CADPS: variants seen among roughly 807,000 people sequenced by gnomAD.
CADPS encodes calcium-dependent secretion activator 1.
In CADPS, 57 loss-of-function variants were observed where a neutral mutation model predicts 167.3. The ratio of observed to expected loss-of-function variants is 0.34; its 90% confidence interval spans 0.28 to 0.42. The LOEUF (loss-of-function observed/expected upper bound fraction) is 0.42, where lower values mean the gene tolerates loss of function less well. Among genes scored for constraint, CADPS ranks in the 20% least tolerant of loss-of-function variants. CADPS has a pLI of 1.00. For synonymous variants in CADPS, 676 were observed against 635.3 expected, an observed-to-expected ratio of 1.06 and a Z score of -0.96; for missense variants, 1,414 against 1,738.1, an observed-to-expected ratio of 0.81 and a Z score of 3.32.
chr3:62,470,187 C>T (rs1303878737), intron 24 of CADPS, among the ~76,000 whole-genome samples: 1 of 152,132 alleles, frequency 6.6e-6, no homozygotes, highest in East Asian at 1.9e-4. Flanking sequence ...CAGCAGCTGC[C>T]TTTACATGTG....
chr3:62,577,890 A>G (rs1289610076), intron 8 of CADPS, among the ~76,000 whole-genome samples: 1 of 152,234 alleles, frequency 6.6e-6, no homozygotes, highest in Non-Finnish European at 1.5e-5. Flanking sequence ...AAGTAGAATC[A>G]CAAAGATATT....
intron 8 of CADPS, among the ~76,000 whole-genome samples, chr3:62,576,258 C>T (rs542822165): frequency 4.6e-5 from 7 of 152,258 alleles, no homozygotes; most frequent in African/African-American, 1.4e-4. Context: ...ATATCTCAGA[C>T]TAAAGGAGAA....
At position 62,505,926 on chromosome 3, in the gene CADPS, T is replaced by C. The variant is rs571255974; in HGVS notation, c.2600-6658A>G. ...TCCAATGCAGTGCTTTCATGAAAAA[T>C]AAAATGCTCTGTGTTTTCAGTATAC... On this transcript the variant is annotated intron_variant, in intron 17 of 29. Coordinates refer to ENST00000383710, the MANE Select transcript of CADPS (RefSeq NM_003716.4). Among the ~76,000 whole-genome samples, 8 of 152,262 alleles carry C rather than the reference T, an allele frequency of 5.3e-5. 1 individual carries two copies. Among genetic ancestry groups the C allele is most frequent in the African/African-American group, 1.7e-4 (7 of 41,552 alleles).
intron 7 of CADPS, among the ~76,000 whole-genome samples, chr3:62,589,557 T>G (rs75523684): frequency 6.6e-6 from 1 of 152,176 alleles, no homozygotes; most frequent in East Asian, 1.9e-4. Context: ...ACATGATTCC[T>G]GAAGTAACTG....
intron 3 of CADPS, among the ~76,000 whole-genome samples, chr3:62,728,151 G>A (rs473942): frequency 0.23 from 34,447 of 151,310 alleles, 4,435 homozygotes; most frequent in African/African-American, 0.31. Context: ...AAGTAATTGC[G>A]GTTTTTGCAA....
At chr3:62,502,104 G>A (rs529067785) in intron 17 of CADPS, among the ~76,000 whole-genome samples, 20 of 152,324 alleles carry the variant, frequency 1.3e-4, no homozygotes, top group African/African-American at 4.1e-4. Context: ...TCCATCATCT[G>A]TAGATCAAGC....
At chr3:62,484,726 C>A (rs1296910501) in intron 21 of CADPS, among the ~76,000 whole-genome samples, 1 of 152,148 alleles carries the variant, frequency 6.6e-6, no homozygotes, top group Non-Finnish European at 1.5e-5. Flanking sequence ...GAGGTGAAGT[C>A]ATTCCTGCTT....
At chr3:62,739,543 C>T (rs1254090640) in intron 3 of CADPS, among the ~76,000 whole-genome samples, 2 of 152,144 alleles carry the variant, frequency 1.3e-5, no homozygotes, top group Admixed American at 6.6e-5. Context: ...TCTAATGATC[C>T]TTGTTAAATC....
chr3:62,437,485 T>A (rs1036467151), intron 28 of CADPS, among the ~76,000 whole-genome samples: 1 of 152,098 alleles, frequency 6.6e-6, no homozygotes, highest in African/African-American at 2.4e-5. Context: ...CAGCCCAATG[T>A]ACTCATTCTT....
intron 6 of CADPS, among the ~76,000 whole-genome samples, chr3:62,595,632 T>G (rs548313347): frequency 5.9e-5 from 9 of 152,186 alleles, no homozygotes; most frequent in Non-Finnish European, 1.2e-4. Context: ...GCTTATCTAT[T>G]TATATTTATT....
intron 1 of CADPS, among the ~76,000 whole-genome samples, chr3:62,795,889 A>T (rs1360906364): frequency 2.0e-5 from 3 of 152,028 alleles, no homozygotes; most frequent in African/African-American, 7.2e-5. Context: ...GAAGACTGGG[A>T]CCATATTCCA....
rs369874258 is a variant in CADPS, at chr3:62,649,543, C to CTTTTTTTTTTTTT, written c.1203+1291_1203+1303dup. Reference sequence around the variant, plus strand: ...TCAAGGGAATCATACAATATGTGGTCTTTTTTTTTTTTTTTTTTTTTTTTT... The same window carrying CTTTTTTTTTTTTT: ...TCAAGGGAATCATACAATATGTGGTCTTTTTTTTTTTTTTTTTTTTTTTTTTTTTTTTTTTTTT... On this transcript the variant is annotated intron_variant, in intron 5 of 29. Coordinates refer to ENST00000383710, the MANE Select transcript of CADPS (RefSeq NM_003716.4). Among the ~76,000 whole-genome samples, 6 of 37,802 alleles carry CTTTTTTTTTTTTT rather than the reference C, an allele frequency of 1.6e-4. 1 individual carries two copies. Among genetic ancestry groups the CTTTTTTTTTTTTT allele is most frequent in the African/African-American group, 4.4e-4 (4 of 9,010 alleles). 24.8% of individuals were successfully genotyped at this position (37,802 alleles called of 152,430 possible).
chr3:62,410,247 T>A (rs2048706329), intron 28 of CADPS, among the ~76,000 whole-genome samples: 1 of 152,234 alleles, frequency 6.6e-6, no homozygotes, highest in African/African-American at 2.4e-5. Flanking sequence ...TATATCTCCA[T>A]CCTGAGTGAT....
At chr3:62,577,683 CATGT>C in intron 8 of CADPS, among the ~76,000 whole-genome samples, 1 of 152,348 alleles carries the variant, frequency 6.6e-6, no homozygotes, top group South Asian at 2.1e-4. Flanking sequence ...AAATACTGCA[CATGT>C]ATTAGCTCAC....
chr3:62,676,710 G>A (rs1458395584), intron 3 of CADPS, among the ~76,000 whole-genome samples: 2 of 152,112 alleles, frequency 1.3e-5, no homozygotes, highest in Non-Finnish European at 2.9e-5. Flanking sequence ...ATTTTTTATT[G>A]TGAAATTCTG....
intron 6 of CADPS, among the ~76,000 whole-genome samples, chr3:62,638,231 C>T (rs1387292819): frequency 6.6e-6 from 1 of 151,966 alleles, no homozygotes; most frequent in African/African-American, 2.4e-5. Flanking sequence ...TCCATGACAC[C>T]ATACTGCTTG....
chr3:62,491,646 A>C (rs1220496235), intron 20 of CADPS, among the ~76,000 whole-genome samples, 166 bp from the exon 21 acceptor site: 1 of 152,170 alleles, frequency 6.6e-6, no homozygotes, highest in African/African-American at 2.4e-5. Context: ...AAGAGAAGAG[A>C]AGGAAAAAAG....
intron 3 of CADPS, among the ~76,000 whole-genome samples, chr3:62,692,409 A>C (rs530883129): frequency 1.3e-3 from 201 of 152,134 alleles, no homozygotes; most frequent in Admixed American, 2.7e-3. Context: ...AGCAGCAGAC[A>C]TCACTAATTC....
chr3:62,549,881 G>GT, intron 11 of CADPS, 22 bp downstream of exon 11: 1 of 1,588,074 alleles, frequency 6.3e-7, no homozygotes, highest in Non-Finnish European at 8.6e-7. Context: ...AGCTATTTTT[G>GT]TAAAACGGCA....
Sources: gnomAD v4.1 joint callset for allele counts (sites outside exome capture counted in the v4.1 genomes callset) on GRCh38, gnomAD v4.1.1 for gene constraint, MANE v1.5 for transcripts, NCBI Gene and HGNC (gene_info 2026-07-23, HGNC 2026-07-21) for gene names.